Variants in PTPRD observed in about 807,000 individuals in gnomAD.
PTPRD encodes protein tyrosine phosphatase receptor type D.
In PTPRD, 34 loss-of-function variants were observed where a neutral mutation model predicts 214.5. That is an observed-to-expected ratio of 0.16 (90% confidence interval 0.12 to 0.21). The LOEUF (loss-of-function observed/expected upper bound fraction) is 0.21. PTPRD is among the 10% of genes least tolerant of loss of function. The pLI, the probability that PTPRD is intolerant of heterozygous loss-of-function variation, is 1.00. For missense variants in PTPRD, 2,545 were observed against 2,398.7 expected (o/e 1.06, Z -1.27); for synonymous variants, 1,128 against 845.7 (o/e 1.33, Z -5.79).
intron 9 of PTPRD, among the ~76,000 whole-genome samples, chr9:9,195,568 G>C (rs2099938052): frequency 6.6e-6 from 1 of 152,020 alleles, no homozygotes; most frequent in Non-Finnish European, 1.5e-5. Context: ...GGTACTTTTT[G>C]TTAAAGTATT....
intron 14 of PTPRD, among the ~76,000 whole-genome samples, chr9:8,549,824 AAAAG>A (rs2081462430): frequency 6.6e-6 from 1 of 152,212 alleles, no homozygotes; most frequent in African/African-American, 2.4e-5. Context: ...AAATTATTAC[AAAAG>A]AAAGATACTA....
chr9:9,833,556 C>T (rs947350672), intron 5 of PTPRD, among the ~76,000 whole-genome samples: 2 of 150,262 alleles, frequency 1.3e-5, no homozygotes, highest in African/African-American at 2.5e-5. Context: ...GTTTTGAGAT[C>T]AACCGGTCTG....
intron 10 of PTPRD, among the ~76,000 whole-genome samples, chr9:9,068,045 T>C (rs551182034): frequency 6.6e-6 from 1 of 152,340 alleles, no homozygotes; most frequent in South Asian, 2.1e-4. Flanking sequence ...ACATCTATAA[T>C]TTTGTCATTA....
intron 35 of PTPRD, among the ~76,000 whole-genome samples, chr9:8,412,440 C>G (rs2093605803): frequency 6.6e-6 from 1 of 152,070 alleles, no homozygotes; most frequent in African/African-American, 2.4e-5. Context: ...ACAGCTGCAT[C>G]CTTTCTTTTC....
chr9:9,678,343 A>G (rs1361953866), intron 7 of PTPRD, among the ~76,000 whole-genome samples: 2 of 152,072 alleles, frequency 1.3e-5, no homozygotes, highest in Non-Finnish European at 2.9e-5. Context: ...AGTAACCAAA[A>G]CAACATGGTA....
chr9:8,974,504 C>T (rs1240296595), intron 11 of PTPRD, among the ~76,000 whole-genome samples: 1 of 151,940 alleles, frequency 6.6e-6, no homozygotes, highest in East Asian at 1.9e-4. Context: ...CCCATCAACC[C>T]ATCATCTAGG....
At chr9:10,357,540 A>G (rs2097301092) in intron 2 of PTPRD, among the ~76,000 whole-genome samples, 1 of 152,222 alleles carries the variant, frequency 6.6e-6, no homozygotes, top group Non-Finnish European at 1.5e-5. Context: ...ATACGTATGC[A>G]AAGTGCTTAG....
intron 3 of PTPRD, among the ~76,000 whole-genome samples, chr9:10,038,658 G>T (rs1025019671): frequency 6.6e-6 from 1 of 152,084 alleles, no homozygotes; most frequent in African/African-American, 2.4e-5. Context: ...GACCTGAACA[G>T]ACTGCCTGCA....
intron 7 of PTPRD, among the ~76,000 whole-genome samples, chr9:9,660,707 T>G (rs2096606348): frequency 6.6e-6 from 1 of 152,022 alleles, no homozygotes; most frequent in Non-Finnish European, 1.5e-5. Context: ...GTAGTTCAGA[T>G]ATGCATATAT....
rs538013278 is a variant in PTPRD, at chr9:9,580,554, T to C, written c.-286-5773A>G. ...CTTAGCTTACTTTATTTTCTTTTTT[T>C]TTTTTTTTTTTTGAGACAGAGTCTT... On this transcript the variant is annotated intron_variant, in intron 7 of 45. Transcript: ENST00000381196. 3.5e-4 allele frequency among the ~76,000 whole-genome samples: 51 copies of C among 145,478 alleles called. No homozygotes were observed. The South Asian group carries it at 7.5e-3, about 21-fold the overall frequency.
At chr9:9,307,579 A>C (rs905409887) in intron 9 of PTPRD, among the ~76,000 whole-genome samples, 1 of 152,006 alleles carries the variant, frequency 6.6e-6, no homozygotes, top group African/African-American at 2.4e-5. Context: ...TTTCCATTCT[A>C]ACTACTGTTG....
chr9:10,055,519 C>T (rs1398456700), intron 3 of PTPRD, among the ~76,000 whole-genome samples: 1 of 152,064 alleles, frequency 6.6e-6, no homozygotes, highest in Middle Eastern at 3.2e-3. Context: ...ACAAATCTAG[C>T]AAATGGTCGA....
At chr9:9,436,152 A>T (rs948513886) in intron 8 of PTPRD, among the ~76,000 whole-genome samples, 22 of 152,186 alleles carry the variant, frequency 1.4e-4, no homozygotes, top group African/African-American at 2.4e-5. Context: ...CTGGCAAATA[A>T]AGTTCCTTCT....
At position 10,493,128 on chromosome 9, in the gene PTPRD, G is replaced by A. The variant is rs573379776; in HGVS notation, c.-600+119270C>T. 5.9e-5 allele frequency among the ~76,000 whole-genome samples: 9 copies of A among 152,188 alleles called. No homozygotes were observed. In the South Asian group the frequency reaches 1.9e-3, roughly 32 times the overall value. On this transcript the variant is annotated intron_variant, in intron 2 of 45. Transcript: ENST00000381196. Reference sequence around the variant, plus strand: ...AGAAACAAATGGAAAATCATCTCATGCTTATGGATAGGAATAATCAATATC... The same window carrying A: ...AGAAACAAATGGAAAATCATCTCATACTTATGGATAGGAATAATCAATATC...
At chr9:8,485,568 G>T in intron 28 of PTPRD, 194 bp downstream of exon 28, 1 of 642,348 alleles carries the variant, frequency 1.6e-6, no homozygotes, top group Non-Finnish European at 2.6e-6. Context: ...GGTGCTGTCA[G>T]CCAGACTTGC....
intron 10 of PTPRD, among the ~76,000 whole-genome samples, chr9:9,126,449 C>A (rs2099834027): frequency 6.6e-6 from 1 of 152,066 alleles, no homozygotes; most frequent in Non-Finnish European, 1.5e-5. Flanking sequence ...AAACGACATA[C>A]AATGAAACTG....
chr9:9,998,850 C>T (rs973984627), intron 4 of PTPRD, among the ~76,000 whole-genome samples: 1 of 152,188 alleles, frequency 6.6e-6, no homozygotes, highest in Non-Finnish European at 1.5e-5. Context: ...ATTCTCCATG[C>T]TCATGCTGCC....
intron 3 of PTPRD, among the ~76,000 whole-genome samples, chr9:10,109,157 CT>C (rs2098666432): frequency 6.6e-6 from 1 of 152,070 alleles, no homozygotes; most frequent in African/African-American, 2.4e-5. Flanking sequence ...AAACAGGAGG[CT>C]AAAAAGAGGT....
At chr9:10,455,595 T>G (rs1182185665) in intron 2 of PTPRD, among the ~76,000 whole-genome samples, 1 of 151,768 alleles carries the variant, frequency 6.6e-6, no homozygotes, top group Non-Finnish European at 1.5e-5. Context: ...GTTCGTGATC[T>G]CTCTCCTTCT....
Sources: allele counts gnomAD v4.1 joint callset (sites outside exome capture counted in the v4.1 genomes callset), GRCh38; gene constraint gnomAD v4.1.1; transcripts MANE v1.5; gene names NCBI Gene and HGNC (gene_info 2026-07-23, HGNC 2026-07-21).